NPHP4: variants seen among roughly 807,000 people sequenced by gnomAD.
The protein encoded by NPHP4 is nephrocystin 4, also known as nephrocystin-4.
In NPHP4, 151 loss-of-function variants were observed where a neutral mutation model predicts 155.8. The ratio of observed to expected loss-of-function variants is 0.97; its 90% CI spans 0.85 to 1.11. The LOEUF (loss-of-function observed/expected upper bound fraction) is 1.11. Ranked by LOEUF, NPHP4 falls within the 50% of genes least tolerant of loss-of-function variation. The probability of loss-of-function intolerance (pLI) is 0.00; values close to 1 mark genes in which losing one functional copy is unlikely to be tolerated. For synonymous variants in NPHP4, 845 were observed against 816.8 expected (o/e 1.03, Z -0.59); for missense variants, 1,956 against 1,925.7 (o/e 1.02, Z -0.29).
At chr1:5,982,461 G>A (rs1654863207) in intron 2 of NPHP4, among the ~76,000 whole-genome samples, 1 of 152,208 alleles carries the variant, frequency 6.6e-6, no homozygotes, top group Non-Finnish European at 1.5e-5. Flanking sequence ...ATCCTATGAT[G>A]TTTGCACAAT....
At chr1:5,911,876 G>T (rs1386077639) in intron 11 of NPHP4, among the ~76,000 whole-genome samples, 1 of 152,180 alleles carries the variant, frequency 6.6e-6, no homozygotes, top group African/African-American at 2.4e-5. Flanking sequence ...CAGCGCGGCC[G>T]CCAGGGAGCA....
chr1:5,893,325 G>A (rs1286291370), intron 16 of NPHP4, among the ~76,000 whole-genome samples: 1 of 152,152 alleles, frequency 6.6e-6, no homozygotes, highest in East Asian at 1.9e-4. Context: ...CGAATGTCTG[G>A]TTGCGCTGTT....
chr1:5,948,234 G>A lies in NPHP4; in HGVS notation c.828C>T (p.Asp276=), dbSNP rs765113652. 4.9e-5 allele frequency: 78 copies of A among 1,578,820 alleles called. No homozygotes were observed. The highest frequency in any genetic ancestry group is 2.8e-4 in the East Asian group (12 of 43,238). Residue 276 remains aspartate, a synonymous_variant, in exon 8 of 30, where the codon GAC becomes GAT. Transcript: ENST00000378156. ...GCTCCAGGATCTCCAGGGCACCACCGTCCAGTGGGCCACATCCCTGGAAGA... is the reference window on the plus strand; with the variant it reads ...GCTCCAGGATCTCCAGGGCACCACCATCCAGTGGGCCACATCCCTGGAAGA... ...DHFQEGCGPL[D]GGALEILERR... is the part of the protein sequence containing the mutation.
At position 5,949,592 on chromosome 1, in the gene NPHP4, G is replaced by A. The variant is rs147313226; in HGVS notation, c.811-1341C>T. On this transcript the variant is annotated intron_variant, in intron 7 of 29. Coordinates refer to ENST00000378156, the MANE Select transcript of NPHP4 (RefSeq NM_015102.5). Reference sequence around the variant, plus strand: ...AGGGCTGAGCACCCGGGAGGAACGCGGGGTGACAGCTGGAGACACGGTGGC... The same window carrying A: ...AGGGCTGAGCACCCGGGAGGAACGCAGGGTGACAGCTGGAGACACGGTGGC... Among the ~76,000 whole-genome samples, 405 of 152,130 alleles carry A rather than the reference G, an allele frequency of 2.7e-3. 1 individual carries two copies. Among genetic ancestry groups the A allele is most frequent in the African/African-American group, 8.2e-3 (342 of 41,510 alleles).
At chr1:5,883,121 G>C (rs1042064704) in intron 18 of NPHP4, among the ~76,000 whole-genome samples, 5 of 152,172 alleles carry the variant, frequency 3.3e-5, no homozygotes, top group African/African-American at 9.7e-5. Context: ...GCCACGATCA[G>C]GGTCCTCAAA....
intron 6 of NPHP4, among the ~76,000 whole-genome samples, chr1:5,955,748 G>A (rs1386355132): frequency 6.6e-6 from 1 of 152,224 alleles, no homozygotes; most frequent in Non-Finnish European, 1.5e-5. Flanking sequence ...GACTGAGGAG[G>A]GGAGGGAGAG....
chr1:5,974,064 G>C lies in NPHP4; in HGVS notation c.279+4206C>G, dbSNP rs1214547314. On this transcript the variant is annotated intron_variant, in intron 3 of 29. Coordinates refer to ENST00000378156, the MANE Select transcript of NPHP4 (RefSeq NM_015102.5). ...AGGCCCAAGAATCCAGGCCCTGGAA[G>C]GGCTCGCAGGAGTTTCACGTGGGTT... 3.3e-5 allele frequency among the ~76,000 whole-genome samples: 5 copies of C among 152,274 alleles called. No individual in the cohort carries two copies. The East Asian group carries it at 9.6e-4, about 29-fold the overall frequency.
intron 11 of NPHP4, among the ~76,000 whole-genome samples, chr1:5,922,951 T>C (rs1198885087): frequency 6.6e-6 from 1 of 152,202 alleles, no homozygotes; most frequent in Non-Finnish European, 1.5e-5. Flanking sequence ...TGAGCTGTGA[T>C]TATGGCACGC....
In NPHP4 at chr1:5,910,458, C is replaced by A. The variant is rs1179347765; in HGVS notation, c.1442-1245G>T. Reference sequence around the variant, plus strand: ...CCCACATCTTGGGCCCAGCAGCTCGCCTTCCCTCCCTCTCCTGTGGCCTCT... The same window carrying A: ...CCCACATCTTGGGCCCAGCAGCTCGACTTCCCTCCCTCTCCTGTGGCCTCT... On this transcript the variant is annotated intron_variant, in intron 11 of 29. Transcript: ENST00000378156. This position sits in a 1 kb window ranked among gnomAD's most constrained non-coding sequence, Gnocchi z 5.4. Among the ~76,000 whole-genome samples the A allele has an allele frequency of 6.6e-6, 1 of 152,176 alleles. No homozygotes were observed. The highest frequency in any genetic ancestry group is 2.4e-5 in the African/African-American group (1 of 41,444).
rs958662470 is a variant in NPHP4 at position 5,944,371 on chromosome 1, T to C, written c.1119+2733A>G. ...ACTGCTGCAGACGGGGTGGCTGAGG[T>C]GGGAGGGCCCTGCCACAGCCCGCCC... On this transcript the variant is annotated intron_variant, in intron 9 of 29. Transcript: ENST00000378156. The surrounding 1 kb of genome is among the most constrained non-coding windows in gnomAD (Gnocchi z 4.3). 3.3e-5 allele frequency among the ~76,000 whole-genome samples: 5 copies of C among 152,158 alleles called. No homozygotes were observed. The highest frequency in any genetic ancestry group is 1.2e-4 in the African/African-American group (5 of 41,446).
intron 16 of NPHP4, among the ~76,000 whole-genome samples, chr1:5,894,335 C>A (rs1178393058): frequency 1.3e-5 from 2 of 152,010 alleles, no homozygotes; most frequent in African/African-American, 4.8e-5. Flanking sequence ...ATGCCTGTAG[C>A]CCCAGCTACT....
chr1:5,893,047 G>T (rs537766018), intron 16 of NPHP4, among the ~76,000 whole-genome samples: 37 of 152,300 alleles, frequency 2.4e-4, no homozygotes, highest in Middle Eastern at 3.4e-3. Flanking sequence ...CAACTCCCAC[G>T]GTGGCAGGGG....
Position 5,969,215 on chromosome 1 carries a change from A to G in NPHP4, c.324T>C (p.Ala108=). 1 of 1,584,328 alleles carries G rather than the reference A, an allele frequency of 6.3e-7. No individual in the cohort carries two copies. The highest frequency in any genetic ancestry group is 8.6e-7 in the Non-Finnish European group (1 of 1,162,638). ...TGCCCTCAGCGACCACTTCCACCAC[A>G]GCCACGATATGAGGGTGGTTTAGGG... ...HTSLNHPHIV[A]VVEVVAEGKK... is the part of the protein sequence containing the mutation. Residue 108 remains alanine (A), a synonymous_variant, in exon 4 of 30, where the codon GCT becomes GCC. Coordinates refer to ENST00000378156, the MANE Select transcript of NPHP4 (RefSeq NM_015102.5).
At position 5,933,332 on chromosome 1, in the gene NPHP4, A is replaced by G; in HGVS notation, c.1120-3T>C. On this transcript the variant is annotated splice_region_variant and splice_polypyrimidine_tract_variant and intron_variant, in intron 9 of 29. Transcript: ENST00000378156. ...GACAGAGAGGTGACCGAAGCTGCCT[A>G]GAATTAAAACAAAGCACATCGGTGT... 6.2e-7 allele frequency: 1 copy of G among 1,611,442 alleles called. No individual in the cohort carries two copies.
rs558251059 is a variant in NPHP4, at chr1:5,949,975, A to C, written c.811-1724T>G. Among the ~76,000 whole-genome samples the C allele has an allele frequency of 5.9e-5, 9 of 152,296 alleles. No individual in the cohort carries two copies. In the East Asian group the frequency reaches 1.5e-3, roughly 26 times the overall value. On this transcript the variant is annotated intron_variant, in intron 7 of 29. Transcript: ENST00000378156. ...AGTCCAAGGGCAATGAGAAGCCAGC[A>C]GCAGGTTTTAAACACAGAAGAAAAA...
intron 11 of NPHP4, among the ~76,000 whole-genome samples, chr1:5,911,870 G>A (rs527971124): frequency 1.3e-5 from 2 of 152,332 alleles, no homozygotes; most frequent in African/African-American, 2.4e-5. Context: ...AGAGGACAGC[G>A]CGGCCGCCAG....
At position 5,862,898 on chromosome 1, in the gene NPHP4, T is replaced by C. The variant is rs1438965768; in HGVS notation, c.*367A>G. The C allele has an allele frequency of 1.1e-5, 3 of 269,292 alleles. No homozygotes were observed. Among genetic ancestry groups the C allele is most frequent in the Non-Finnish European group, 2.2e-5 (3 of 137,196 alleles). The allele number at this position is 269,292 out of a possible 1,614,324, so 16.7% of individuals were successfully genotyped here. ...ATATTGCATAGCAAATAATAGATTA[T>C]GTTTGTACAAAATCCAGTAAGAAAA... On this transcript the variant is annotated 3_prime_UTR_variant, in exon 30 of 30. Transcript: ENST00000378156.
chr1:5,957,414 C>T (rs1372143685), intron 6 of NPHP4, among the ~76,000 whole-genome samples: 1 of 152,198 alleles, frequency 6.6e-6, no homozygotes, highest in Non-Finnish European at 1.5e-5. Context: ...AGCTCTTCTG[C>T]TAGGGATATT....
At chr1:5,936,708 C>T (rs576513247) in intron 9 of NPHP4, among the ~76,000 whole-genome samples, 7 of 152,236 alleles carry the variant, frequency 4.6e-5, no homozygotes, top group East Asian at 1.9e-4. Flanking sequence ...GCATTTACCA[C>T]GCAAAGCCGC....
Sources: gnomAD v4.1 joint callset for allele counts (sites outside exome capture counted in the v4.1 genomes callset) on GRCh38, gnomAD v4.1.1 for gene constraint, Gnocchi (gnomAD v3.1) non-coding constraint, MANE v1.5 for transcripts, NCBI Gene and HGNC (gene_info 2026-07-23, HGNC 2026-07-21) for gene names.